SPDYE12: variants seen among roughly 807,000 people sequenced by gnomAD.
SPDYE12 encodes the protein speedy protein E12.
At chr7:74,908,178 GA>G in the SPDYE12 span, among the ~76,000 whole-genome samples, 1 of 127,992 alleles carries the variant, frequency 7.8e-6, no homozygotes, top group African/African-American at 2.7e-5. Context: ...CACCCAGACA[GA>G]AAACACAAAT....
chr7:74,908,661 CTTTTTTTTTTTT>C, the SPDYE12 span, among the ~76,000 whole-genome samples: 2 of 58,602 alleles, frequency 3.4e-5, no homozygotes, highest in South Asian at 9.6e-4. Context: ...GTTTTTTGTT[CTTTTTTTTTTTT>C]TTTTTTTTTT....
At chr7:74,907,310 G>A in the SPDYE12 span, among the ~76,000 whole-genome samples, 2 of 151,204 alleles carry the variant, frequency 1.3e-5, no homozygotes, top group Non-Finnish European at 3.0e-5. Flanking sequence ...AAACCCAACT[G>A]GTGACCAAGA....
chr7:74,907,481 C>T, the SPDYE12 span, among the ~76,000 whole-genome samples: 2 of 151,252 alleles, frequency 1.3e-5, no homozygotes, highest in African/African-American at 4.8e-5. Context: ...CCTGTAATCC[C>T]AGCGCTTTGG....
chr7:74,907,661 G>T, the SPDYE12 span, among the ~76,000 whole-genome samples: 2 of 150,572 alleles, frequency 1.3e-5, no homozygotes, highest in Non-Finnish European at 3.0e-5. Flanking sequence ...AACCCAGGAG[G>T]CGGAGGTTGC....
At chr7:74,907,064 C>T in the SPDYE12 span, 1 of 1,546,788 alleles carries the variant, frequency 6.5e-7, no homozygotes, top group East Asian at 2.5e-5. Flanking sequence ...TTGGGGGCCT[C>T]ATCGTCCTCC....
chr7:74,906,034 T>G, the SPDYE12 span, among the ~76,000 whole-genome samples: 1,784 of 146,822 alleles, frequency 0.012, 2 homozygotes, highest in East Asian at 0.029. Flanking sequence ...GGGTGGGTCT[T>G]CCCAGGGAGT....
the SPDYE12 span, among the ~76,000 whole-genome samples, chr7:74,908,109 G>C: frequency 6.8e-6 from 1 of 148,004 alleles, no homozygotes; most frequent in Non-Finnish European, 1.5e-5. Context: ...CACAGAGGCT[G>C]TGGGGTGAAC....
chr7:74,904,571 A>G, the SPDYE12 span, among the ~76,000 whole-genome samples: 1 of 151,674 alleles, frequency 6.6e-6, no homozygotes, highest in Non-Finnish European at 1.5e-5. Flanking sequence ...TATCATAGAT[A>G]AAAACCATGC....
At chr7:74,908,007 CA>C in the SPDYE12 span, among the ~76,000 whole-genome samples, 1 of 150,620 alleles carries the variant, frequency 6.6e-6, no homozygotes. Context: ...TGGGAGTAAT[CA>C]GGGGAGATGA....
chr7:74,906,200 A>T, the SPDYE12 span, among the ~76,000 whole-genome samples: 1 of 141,424 alleles, frequency 7.1e-6, no homozygotes, highest in African/African-American at 3.1e-5. Flanking sequence ...CTCCCTCCTC[A>T]TGACAAAGTC....
chr7:74,908,993 G>T, the SPDYE12 span, among the ~76,000 whole-genome samples: 2 of 107,386 alleles, frequency 1.9e-5, no homozygotes, highest in South Asian at 3.2e-4. Context: ...TTTTACTCTT[G>T]TATTTGTACA....
chr7:74,914,386 T>TAAAAC, the SPDYE12 span, among the ~76,000 whole-genome samples: 7,093 of 14,254 alleles, frequency 0.5, 1,905 homozygotes, highest in East Asian at 0.77. Flanking sequence ...AGCCCATCTC[T>TAAAAC]AAAACAAAAC....
chr7:74,910,264 G>A, the SPDYE12 span, among the ~76,000 whole-genome samples: 1 of 147,160 alleles, frequency 6.8e-6, no homozygotes, highest in African/African-American at 2.5e-5. Context: ...CAGCTCCTCA[G>A]GAGGCTAAGG....
the SPDYE12 span, chr7:74,910,803 A>G: frequency 1.6e-6 from 2 of 1,233,330 alleles, no homozygotes; most frequent in East Asian, 2.4e-5. Context: ...CGTGCGTTAG[A>G]ACAGGAACAC....
the SPDYE12 span, among the ~76,000 whole-genome samples, chr7:74,909,053 C>CTTTTT: frequency 1.9e-4 from 9 of 46,266 alleles, no homozygotes; most frequent in Admixed American, 2.7e-4. Flanking sequence ...TTTTTTTTGG[C>CTTTTT]TTTTTTTTTT....
the SPDYE12 span, chr7:74,909,459 C>T: frequency 4.7e-6 from 5 of 1,068,602 alleles, no homozygotes; most frequent in South Asian, 6.3e-5. Context: ...AGGCTGGAAT[C>T]CCACTTCCCC....
the SPDYE12 span, among the ~76,000 whole-genome samples, chr7:74,907,997 T>G: frequency 6.6e-6 from 1 of 150,728 alleles, no homozygotes; most frequent in Non-Finnish European, 1.5e-5. Flanking sequence ...CTAATGGGAC[T>G]GGGAGTAATC....
the SPDYE12 span, chr7:74,907,068 GTCC>G: frequency 6.5e-7 from 1 of 1,541,224 alleles, no homozygotes; most frequent in South Asian, 1.1e-5. Flanking sequence ...GGGCCTCATC[GTCC>G]TCCTCCATGT....
the SPDYE12 span, among the ~76,000 whole-genome samples, chr7:74,904,955 T>C: frequency 2.0e-5 from 3 of 146,744 alleles, no homozygotes; most frequent in Non-Finnish European, 4.5e-5. Flanking sequence ...AACTGAATTC[T>C]CACAATTCAG....
Sources: gnomAD v4.1 joint callset for allele counts (sites outside exome capture counted in the v4.1 genomes callset) on GRCh38, gnomAD v4.1.1 for gene constraint, MANE v1.5 for transcripts, NCBI Gene and HGNC (gene_info 2026-07-23, HGNC 2026-07-21) for gene names.